QTGAL: variants seen among roughly 807,000 people sequenced by gnomAD.
QTGAL encodes the protein queuosine-tRNA galactosyltransferase.
the QTGAL span, among the ~76,000 whole-genome samples, chr17:82,951,270 T>C: frequency 6.6e-6 from 1 of 152,238 alleles, no homozygotes; most frequent in Non-Finnish European, 1.5e-5. Context: ...ACCTCCATTG[T>C]GACCGTAGCA....
At chr17:83,047,602 CT>C in the QTGAL span, among the ~76,000 whole-genome samples, 13 of 132,288 alleles carry the variant, frequency 9.8e-5, 1 homozygote, top group East Asian at 4.6e-4. Flanking sequence ...ATAATCAATC[CT>C]TATCAAAGAA....
At chr17:83,044,623 G>A in the QTGAL span, among the ~76,000 whole-genome samples, 43 of 152,150 alleles carry the variant, frequency 2.8e-4, no homozygotes, top group Non-Finnish European at 5.0e-4. Flanking sequence ...ATTCGGCACC[G>A]TCCTGGAAGC....
the QTGAL span, among the ~76,000 whole-genome samples, chr17:82,967,185 AG>A: frequency 6.6e-6 from 1 of 152,200 alleles, no homozygotes; most frequent in African/African-American, 2.4e-5. Flanking sequence ...ATTGGGGGTG[AG>A]GACACCAACA....
the QTGAL span, chr17:82,965,628 T>A: frequency 1.9e-6 from 3 of 1,577,354 alleles, no homozygotes; most frequent in South Asian, 3.5e-5. Context: ...GGGAGGGACC[T>A]GATTCCCGCC....
At chr17:83,012,274 C>T in the QTGAL span, among the ~76,000 whole-genome samples, 5 of 149,810 alleles carry the variant, frequency 3.3e-5, no homozygotes, top group South Asian at 2.2e-4. Flanking sequence ...ACACACGCCA[C>T]GAACTCCTCG....
At chr17:83,008,880 G>A in the QTGAL span, among the ~76,000 whole-genome samples, 1 of 152,326 alleles carries the variant, frequency 6.6e-6, no homozygotes, top group Non-Finnish European at 1.5e-5. Context: ...GAGTGTGCGG[G>A]CTCGAGATGA....
At chr17:82,962,100 A>G in the QTGAL span, among the ~76,000 whole-genome samples, 1 of 152,202 alleles carries the variant, frequency 6.6e-6, no homozygotes, top group Non-Finnish European at 1.5e-5. Flanking sequence ...AGAGCCTAGC[A>G]GCAGGGCCAG....
chr17:82,965,510 G>A, the QTGAL span: 2 of 801,168 alleles, frequency 2.5e-6, no homozygotes, highest in East Asian at 2.9e-5. Flanking sequence ...GGCACCGGGA[G>A]GACCCTCAGG....
At chr17:82,982,681 T>C in the QTGAL span, among the ~76,000 whole-genome samples, 62,124 of 152,096 alleles carry the variant, frequency 0.41, 13,000 homozygotes, top group South Asian at 0.49. Context: ...ACCCAGTTTA[T>C]GGTATTTTTG....
At chr17:83,016,264 T>C in the QTGAL span, among the ~76,000 whole-genome samples, 2 of 152,168 alleles carry the variant, frequency 1.3e-5, no homozygotes, top group Non-Finnish European at 2.9e-5. Context: ...ATAATGTCAT[T>C]GGAAGGATAT....
chr17:83,014,649 G>C, the QTGAL span: 1 of 966,336 alleles, frequency 1.0e-6, no homozygotes, highest in Non-Finnish European at 1.6e-6. Context: ...TCAAACTCCC[G>C]GCTTCAACTG....
At chr17:82,956,794 C>T in the QTGAL span, 49 of 1,559,492 alleles carry the variant, frequency 3.1e-5, no homozygotes, top group Non-Finnish European at 3.9e-5. This position sits in a 1 kb window ranked among gnomAD's most constrained non-coding sequence, Gnocchi z 5.7. Flanking sequence ...GGCCATCAGT[C>T]CTGCCCGAGC....
At chr17:83,012,953 C>T in the QTGAL span, among the ~76,000 whole-genome samples, 2 of 152,058 alleles carry the variant, frequency 1.3e-5, no homozygotes, top group Non-Finnish European at 2.9e-5. Flanking sequence ...CACTCTCGGA[C>T]GTCTCTCCCA....
the QTGAL span, chr17:83,005,197 C>T: frequency 6.2e-7 from 1 of 1,607,692 alleles, no homozygotes; most frequent in Admixed American, 1.7e-5. This position sits in a 1 kb window ranked among gnomAD's most constrained non-coding sequence, Gnocchi z 5.6. Flanking sequence ...TCTCCTCACT[C>T]TGCAACCAAT....
the QTGAL span, among the ~76,000 whole-genome samples, chr17:83,004,863 C>T: frequency 6.6e-6 from 1 of 150,890 alleles, no homozygotes; most frequent in Non-Finnish European, 1.5e-5. Flanking sequence ...GTAAGTGGAC[C>T]TGTGCGGTCG....
chr17:83,051,708 G>T, the QTGAL span: 2 of 1,467,662 alleles, frequency 1.4e-6, no homozygotes, highest in Non-Finnish European at 1.8e-6. Context: ...CAGCCTGCAC[G>T]GCGGGGCACC....
chr17:82,994,701 C>T, the QTGAL span, among the ~76,000 whole-genome samples: 1 of 152,090 alleles, frequency 6.6e-6, no homozygotes, highest in Non-Finnish European at 1.5e-5. Flanking sequence ...CTCTACAAGA[C>T]CAATTTTACC....
chr17:83,027,595 G>C, the QTGAL span, among the ~76,000 whole-genome samples: 1 of 150,396 alleles, frequency 6.6e-6, no homozygotes, highest in Non-Finnish European at 1.5e-5. Flanking sequence ...TCCATGCTTT[G>C]AGAGGCTGAG....
At chr17:83,013,002 G>A in the QTGAL span, among the ~76,000 whole-genome samples, 120 of 152,098 alleles carry the variant, frequency 7.9e-4, 3 homozygotes, top group East Asian at 0.021. Context: ...ACTGACTTCC[G>A]GAGCCTGTGG....
Sources: gnomAD v4.1 joint callset for allele counts (sites outside exome capture counted in the v4.1 genomes callset) on GRCh38, gnomAD v4.1.1 for gene constraint, Gnocchi (gnomAD v3.1) non-coding constraint, MANE v1.5 for transcripts, NCBI Gene and HGNC (gene_info 2026-07-23, HGNC 2026-07-21) for gene names.